ARL13B: variants seen among roughly 807,000 people sequenced by gnomAD.
The protein encoded by ARL13B is ADP-ribosylation factor-like protein 13B.
ARL13B carries 36 observed loss-of-function variants against 56.1 expected under a neutral mutation model. The ratio of observed to expected loss-of-function variants is 0.64; its 90% CI spans 0.49 to 0.85. The LOEUF (loss-of-function observed/expected upper bound fraction) is 0.85, where lower values mean the gene tolerates loss of function less well. Ranked by LOEUF, ARL13B falls within the 40% of genes least tolerant of loss-of-function variation. The pLI, the probability that ARL13B is intolerant of heterozygous loss-of-function variation, is 0.00. For synonymous variants in ARL13B, 178 were observed against 171.1 expected (o/e 1.04, Z -0.32); for missense variants, 519 against 507.1 (o/e 1.02, Z -0.23).
intron 3 of ARL13B, among the ~76,000 whole-genome samples, chr3:94,031,183 C>T (rs2076671103): frequency 6.6e-6 from 1 of 151,934 alleles, no homozygotes; most frequent in African/African-American, 2.4e-5. Context: ...CAGAGTGAGA[C>T]CCTGTCTCAA....
intron 2 of ARL13B, among the ~76,000 whole-genome samples, chr3:94,002,286 C>T (rs1425727251): frequency 6.6e-6 from 1 of 152,066 alleles, no homozygotes; most frequent in Non-Finnish European, 1.5e-5. Flanking sequence ...AGACTAGTCT[C>T]AAATTCCTGG....
chr3:93,983,814 C>T (rs1205656185), intron 1 of ARL13B, among the ~76,000 whole-genome samples: 1 of 151,932 alleles, frequency 6.6e-6, no homozygotes, highest in Non-Finnish European at 1.5e-5. Flanking sequence ...AAGTGTTTGT[C>T]GTAGCTACTG....
chr3:93,996,512 GTCT>G (rs759344015), intron 2 of ARL13B: 2 of 271,218 alleles, frequency 7.4e-6, no homozygotes, highest in Admixed American at 4.0e-5. Context: ...ATGCTGGCTA[GTCT>G]TCTTTTTTTT....
intron 1 of ARL13B, among the ~76,000 whole-genome samples, chr3:93,995,164 A>G (rs1325943204): frequency 6.6e-6 from 1 of 152,176 alleles, no homozygotes; most frequent in Admixed American, 6.5e-5. Context: ...CCAGTATAAT[A>G]GGTTTGTTCC....
At chr3:93,982,677 A>G (rs1710276340) in intron 1 of ARL13B, among the ~76,000 whole-genome samples, 2 of 152,236 alleles carry the variant, frequency 1.3e-5, no homozygotes, top group Non-Finnish European at 2.9e-5. Flanking sequence ...AATATAAAGG[A>G]CATAGGTAAA....
At chr3:94,007,123 A>G (rs754397031) in intron 3 of ARL13B, among the ~76,000 whole-genome samples, 1 of 152,192 alleles carries the variant, frequency 6.6e-6, no homozygotes, top group African/African-American at 2.4e-5. Context: ...ACAGTGCCTT[A>G]GAAGTCATTT....
intron 3 of ARL13B, among the ~76,000 whole-genome samples, chr3:94,030,282 A>G (rs550795945): frequency 6.6e-6 from 1 of 152,156 alleles, no homozygotes; most frequent in East Asian, 1.9e-4. Context: ...CCTGGAGTGC[A>G]GTGGCGCGAT....
chr3:93,980,550 C>A, intron 1 of ARL13B, 68 bp downstream of exon 1: 1 of 1,583,432 alleles, frequency 6.3e-7, no homozygotes, highest in Non-Finnish European at 8.6e-7. Context: ...GGGCGAGGCG[C>A]CGCCTTTTCC....
At chr3:94,004,579 C>T (rs746409505) in intron 3 of ARL13B, among the ~76,000 whole-genome samples, 34 of 151,468 alleles carry the variant, frequency 2.2e-4, no homozygotes, top group Non-Finnish European at 4.4e-4. Flanking sequence ...TAAATATTTG[C>T]CCTTGCCGTC....
chr3:94,003,569 T>C, intron 2 of ARL13B, 90 bp from the exon 3 acceptor site: 3 of 1,424,876 alleles, frequency 2.1e-6, no homozygotes, highest in Non-Finnish European at 2.9e-6. Context: ...ATGCTAAATA[T>C]TTCACTTGGG....
At chr3:94,014,718 A>G (rs1401876133) in intron 3 of ARL13B, 1 of 1,612,402 alleles carries the variant, frequency 6.2e-7, no homozygotes, top group Admixed American at 1.7e-5. Context: ...GATGAAGCAT[A>G]TCATTTACAT....
intron 3 of ARL13B, among the ~76,000 whole-genome samples, chr3:94,023,137 A>G (rs2076484974): frequency 1.3e-5 from 2 of 152,076 alleles, no homozygotes; most frequent in East Asian, 3.9e-4. Flanking sequence ...TTTTCAAAAC[A>G]TAAATGCAAT....
At chr3:93,993,066 A>C (rs532414976) in intron 1 of ARL13B, among the ~76,000 whole-genome samples, 1 of 151,476 alleles carries the variant, frequency 6.6e-6, no homozygotes, top group African/African-American at 2.4e-5. Flanking sequence ...CAGCCTCCCA[A>C]AGTGCTGAGA....
chr3:94,015,043 T>C (rs772242957), intron 3 of ARL13B: 5 of 1,614,058 alleles, frequency 3.1e-6, no homozygotes, highest in Middle Eastern at 1.7e-4. Context: ...CACCAGACTT[T>C]TCTGTTGCTG....
At chr3:94,027,357 A>C (rs1323818267) in intron 3 of ARL13B, among the ~76,000 whole-genome samples, 1 of 152,070 alleles carries the variant, frequency 6.6e-6, no homozygotes, top group Non-Finnish European at 1.5e-5. Context: ...TTTTTTTGCA[A>C]TGTAAACTTT....
Position 94,055,334 on chromosome 3 carries a change from A to G in ARL13B, c.*2071A>G, listed in dbSNP as rs866234411. On this transcript the variant is annotated 3_prime_UTR_variant, in exon 10 of 10. Coordinates refer to ENST00000394222, the MANE Select transcript of ARL13B (RefSeq NM_001174150.2). The stretch of plus-strand genomic sequence containing the variant: ...TTAAATGATTTCCTTTGGGTAATAA[A>G]ATAGGTAAAGATTTTAAAATATGAT... 2 of 434,256 alleles carry G rather than the reference A, an allele frequency of 4.6e-6. No individual in the cohort carries two copies. The highest frequency in any genetic ancestry group is 4.1e-5 in the African/African-American group (2 of 49,208). The allele number at this position is 434,256 out of a possible 1,614,324, so 26.9% of individuals were successfully genotyped here.
chr3:94,028,404 G>T (rs1194651744), intron 3 of ARL13B: 1 of 152,128 alleles, frequency 6.6e-6, no homozygotes, highest in Non-Finnish European at 1.5e-5. Context: ...TTCCACCTGC[G>T]GTGTTGGAGT....
At chr3:94,048,679 A>G (rs1206862649) in intron 7 of ARL13B, among the ~76,000 whole-genome samples, 1 of 151,654 alleles carries the variant, frequency 6.6e-6, no homozygotes, top group Non-Finnish European at 1.5e-5. Context: ...GCAGCCTTGA[A>G]CTCCAGGGCT....
intron 3 of ARL13B, chr3:94,015,317 A>T: frequency 6.8e-7 from 1 of 1,476,598 alleles, no homozygotes. Context: ...GAACAAGTAG[A>T]AATTTGGTAT....
Sources: gnomAD v4.1 joint callset for allele counts (sites outside exome capture counted in the v4.1 genomes callset) on GRCh38, gnomAD v4.1.1 for gene constraint, MANE v1.5 for transcripts, NCBI Gene and HGNC (gene_info 2026-07-23, HGNC 2026-07-21) for gene names.